The following TMEM231 variants were observed in gnomAD, a reference collection of about 807,000 sequenced individuals.
TMEM231 encodes transmembrane protein 231.
Under a neutral mutation model 38.5 loss-of-function variants are expected in TMEM231, and 40 were observed. That is an observed-to-expected ratio of 1.04 (90% CI 0.81 to 1.35). TMEM231 has a LOEUF of 1.35. Ranked by LOEUF, TMEM231 falls within the 40% of genes most tolerant of loss-of-function variation. The probability of loss-of-function intolerance (pLI) is 0.00; values close to 1 mark genes in which losing one functional copy is unlikely to be tolerated. For missense variants in TMEM231, 420 were observed against 416.9 expected (o/e 1.01, Z -0.07); for synonymous variants, 199 against 181.7 (o/e 1.10, Z -0.77).
At position 75,555,933 on chromosome 16, in the gene TMEM231, G is replaced by T. The variant is rs1254412736; in HGVS notation, c.180C>A (p.Thr60=). 1.9e-6 allele frequency: 3 copies of T among 1,604,570 alleles called. No homozygotes were observed. The highest frequency in any genetic ancestry group is 2.2e-5 in the South Asian group (2 of 89,190). Reference sequence around the variant, plus strand: ...GCAGCACCTGGTGTTGGAAGCGCACGGTCGGCTGCTCCTCGTAGCTGCTCC... The same window carrying T: ...GCAGCACCTGGTGTTGGAAGCGCACTGTCGGCTGCTCCTCGTAGCTGCTCC... The part of the protein sequence containing the change: ...LKRSSYEEQP[T]VRFQHQVLLV... The change falls in exon 2 of 7, where the codon ACC becomes ACA. Residue 60 remains threonine, a synonymous_variant. Coordinates refer to ENST00000258173, the MANE Select transcript of TMEM231 (RefSeq NM_001077418.3).
chr16:75,541,330 C>A lies in TMEM231; in HGVS notation c.770+20G>T. 6.4e-7 allele frequency: 1 copy of A among 1,572,876 alleles called. No homozygotes were observed. Among genetic ancestry groups the A allele is most frequent in the Non-Finnish European group, 8.7e-7 (1 of 1,150,354 alleles). ...CCACCACATCCAGCCTTAACATGGA[C>A]TCTTTAACAGAAAGGATATGAAATG... is the stretch of plus-strand genomic sequence containing the variant. On this transcript the variant is annotated intron_variant, in intron 6 of 6. Coordinates refer to ENST00000258173, the MANE Select transcript of TMEM231 (RefSeq NM_001077418.3).
In TMEM231 at chr16:75,556,181, G is replaced by C. The variant is rs768459969; in HGVS notation, c.29C>G (p.Pro10Arg). 1.6e-5 allele frequency: 24 copies of C among 1,522,098 alleles called. No individual in the cohort carries two copies. Among genetic ancestry groups the C allele is most frequent in the South Asian group, 6.4e-5 (5 of 78,608 alleles). 94.3% of individuals were successfully genotyped at this position (1,522,098 alleles called of 1,614,324 possible). A position where few individuals can be genotyped will look rare whatever the true frequency, so the allele number is the denominator to read the frequency against. ...CCCCGCGCGGTAACTGCGCTCGACC[G>C]GGTGAGAGAAGAGCTCATAGAGCGC... MALYELFSH[P>R]VERSYRAGLC... Residue 10 changes from proline to arginine, a missense_variant, in exon 1 of 7, where the codon CCG (proline) becomes CGG (arginine). Physicochemically the swap from Pro to Arg is moderately radical, Grantham distance 103. Coordinates refer to ENST00000258173, the MANE Select transcript of TMEM231 (RefSeq NM_001077418.3).
At chr16:75,543,925 T>C (rs892563358) in intron 4 of TMEM231, among the ~76,000 whole-genome samples, 35 of 152,162 alleles carry the variant, frequency 2.3e-4, no homozygotes, top group African/African-American at 8.4e-4. Flanking sequence ...ACCGATAACA[T>C]CCCTTTTTCA....
At chr16:75,540,198 G>A (rs768571927) in intron 6 of TMEM231, 24 bp from the exon 7 acceptor site, 3 of 1,593,526 alleles carry the variant, frequency 1.9e-6, no homozygotes, top group Non-Finnish European at 1.7e-6. Context: ...AGGAGTGAAG[G>A]GCCACATGGT....
At chr16:75,549,590 C>T (rs904332587) in intron 2 of TMEM231, among the ~76,000 whole-genome samples, 2 of 152,140 alleles carry the variant, frequency 1.3e-5, no homozygotes, top group African/African-American at 4.8e-5. Flanking sequence ...TGATTCAGGG[C>T]TCTTCTATAA....
At chr16:75,552,437 A>G (rs1938793181) in intron 2 of TMEM231, among the ~76,000 whole-genome samples, 1 of 152,164 alleles carries the variant, frequency 6.6e-6, no homozygotes, top group Non-Finnish European at 1.5e-5. Context: ...TGGGTGACAG[A>G]GTGAGACCCT....
At chr16:75,544,337 G>A (rs2080658488) in intron 4 of TMEM231, among the ~76,000 whole-genome samples, 1 of 152,198 alleles carries the variant, frequency 6.6e-6, no homozygotes, top group Admixed American at 6.5e-5. Context: ...GAAGGACTGG[G>A]CTTGGGGATA....
chr16:75,555,726 T>C lies in TMEM231; in HGVS notation c.309+78A>G. The C allele has an allele frequency of 1.5e-6, 2 of 1,360,694 alleles. 1 individual carries two copies. Among genetic ancestry groups the C allele is most frequent in the East Asian group, 5.6e-5 (2 of 35,906 alleles). The allele number at this position is 1,360,694 out of a possible 1,614,324, so 84.3% of individuals were successfully genotyped here. ...CTGGGCTCCCCAGGGCCGGGGCCGC[T>C]CGCCCCACATCCTCATTCCAGTCCC... On this transcript the variant is annotated intron_variant, in intron 2 of 6. Transcript: ENST00000258173.
At chr16:75,551,648 T>TCAA in intron 2 of TMEM231, among the ~76,000 whole-genome samples, 1 of 151,838 alleles carries the variant, frequency 6.6e-6, no homozygotes, top group East Asian at 1.9e-4. Context: ...TACACAGATA[T>TCAA]GTTTATTTAC....
At chr16:75,547,603 AC>A (rs1270775455) in intron 2 of TMEM231, among the ~76,000 whole-genome samples, 1 of 151,930 alleles carries the variant, frequency 6.6e-6, no homozygotes, top group Non-Finnish European at 1.5e-5. Context: ...ACATGGTGAA[AC>A]CCCGTCTCTA....
rs1399470863 is a variant in TMEM231 at position 75,538,408 on chromosome 16, A to G, written c.*1586T>C. On this transcript the variant is annotated 3_prime_UTR_variant, in exon 7 of 7. Coordinates refer to ENST00000258173, the MANE Select transcript of TMEM231 (RefSeq NM_001077418.3). ...AAAATGCAAACCAATGTTTATACGT[A>G]TCTTGTCATCTTTCCATATCTCATT... 6.6e-6 allele frequency: 1 copy of G among 152,250 alleles called. No individual in the cohort carries two copies. The highest frequency in any genetic ancestry group is 6.5e-5 in the Admixed American group (1 of 15,286). 9.4% of individuals were successfully genotyped at this position (152,250 alleles called of 1,614,324 possible). A position where few individuals can be genotyped will look rare whatever the true frequency, so the allele number is the denominator to read the frequency against.
chr16:75,550,931 G>C (rs370203610), intron 2 of TMEM231, among the ~76,000 whole-genome samples: 54 of 152,174 alleles, frequency 3.5e-4, no homozygotes, highest in African/African-American at 1.2e-3. Context: ...TGGCCAGGCT[G>C]GTCTAGAACT....
chr16:75,543,365 G>C (rs1005919026), intron 4 of TMEM231, among the ~76,000 whole-genome samples: 2 of 152,276 alleles, frequency 1.3e-5, no homozygotes, highest in Middle Eastern at 3.4e-3. Context: ...CCAGGAGTTC[G>C]AGACCAGTCT....
At chr16:75,542,576 C>G (rs748584065) in intron 5 of TMEM231, 26 bp downstream of exon 5, 24 of 1,604,970 alleles carry the variant, frequency 1.5e-5, no homozygotes, top group Non-Finnish European at 2.0e-5. Context: ...TGAGCAGCGG[C>G]TGAATGGGCT....
intron 2 of TMEM231, 172 bp from the exon 3 acceptor site, chr16:75,546,126 A>AGG: frequency 1.3e-6 from 2 of 1,534,038 alleles, no homozygotes; most frequent in South Asian, 1.2e-5. Flanking sequence ...CTGGGGAGAG[A>AGG]CACAAAGTGC....
chr16:75,556,264 G>A (rs2151711350), upstream of TMEM231: 3 of 1,391,484 alleles, frequency 2.2e-6, no homozygotes, highest in Non-Finnish European at 2.8e-6. Context: ...GCTTCTCCTG[G>A]TTGCCATCGC....
chr16:75,547,591 C>T (rs1341197310), intron 2 of TMEM231, among the ~76,000 whole-genome samples: 8 of 151,788 alleles, frequency 5.3e-5, no homozygotes, highest in Admixed American at 4.6e-4. Context: ...CCATCCTGGC[C>T]AACATGGTGA....
At position 75,542,670 on chromosome 16, in the gene TMEM231, T is replaced by C. The variant is rs1392169507; in HGVS notation, c.596A>G (p.Asn199Ser). 10 of 1,613,868 alleles carry C rather than the reference T, an allele frequency of 6.2e-6. No homozygotes were observed. The highest frequency in any genetic ancestry group is 4.2e-6 in the Non-Finnish European group (5 of 1,179,854). The change falls in exon 5 of 7, where the codon AAC becomes AGC. Residue 199 changes from asparagine to serine, a missense_variant. By Grantham distance (46) the Asn-to-Ser change is conservative. Transcript: ENST00000258173. ...LDARYNISVI[N>S]GTSPFAYDYD... ...GTCATAGGCAAAGGGGCTGGTCCCG[T>C]TGATCACGGATATCTGGGACACGGG...
chr16:75,549,189 T>C (rs1798309844), intron 2 of TMEM231, among the ~76,000 whole-genome samples: 1 of 152,234 alleles, frequency 6.6e-6, no homozygotes, highest in African/African-American at 2.4e-5. Context: ...TGCTCCTCTG[T>C]TATCACTTGG....
Sources: allele counts gnomAD v4.1 joint callset (sites outside exome capture counted in the v4.1 genomes callset), GRCh38; gene constraint gnomAD v4.1.1; transcripts MANE v1.5; gene names NCBI Gene and HGNC (gene_info 2026-07-23, HGNC 2026-07-21).